The following ZNF475 variants were observed in gnomAD, a reference collection of about 807,000 sequenced individuals.
ZNF475 encodes zinc finger protein 475.
At chr5:122,182,511 G>C in the ZNF475 span, 7 of 1,502,230 alleles carry the variant, frequency 4.7e-6, no homozygotes, top group South Asian at 7.8e-5. Flanking sequence ...CTATGATCTT[G>C]ATGCTTTAAA....
the ZNF475 span, among the ~76,000 whole-genome samples, chr5:122,170,157 C>G: frequency 6.6e-6 from 1 of 152,026 alleles, no homozygotes; most frequent in African/African-American, 2.4e-5. Context: ...AAAAGGAAAA[C>G]CTTTTCTATT....
the ZNF475 span, among the ~76,000 whole-genome samples, chr5:122,166,312 A>G: frequency 6.6e-6 from 1 of 152,082 alleles, no homozygotes; most frequent in Non-Finnish European, 1.5e-5. Flanking sequence ...AGTGCCTCAT[A>G]TGTTGGAAGA....
the ZNF475 span, among the ~76,000 whole-genome samples, chr5:122,172,716 C>G: frequency 6.6e-6 from 1 of 152,154 alleles, no homozygotes; most frequent in Non-Finnish European, 1.5e-5. Flanking sequence ...CACTTCGTAT[C>G]TTCTGTATAA....
the ZNF475 span, among the ~76,000 whole-genome samples, chr5:122,170,736 G>T: frequency 3.9e-5 from 6 of 152,326 alleles, no homozygotes; most frequent in South Asian, 1.2e-3. Flanking sequence ...TCAGAGGTCA[G>T]CGAGTAGAGC....
chr5:122,165,575 G>A, the ZNF475 span, among the ~76,000 whole-genome samples: 2 of 152,108 alleles, frequency 1.3e-5, no homozygotes, highest in Non-Finnish European at 2.9e-5. Context: ...TTTGCTCCAA[G>A]TCACGGTTCA....
the ZNF475 span, among the ~76,000 whole-genome samples, chr5:122,162,615 C>T: frequency 4.6e-5 from 7 of 152,094 alleles, no homozygotes; most frequent in Non-Finnish European, 7.4e-5. Flanking sequence ...AGGCAAAATT[C>T]TGATTTGGAG....
At chr5:122,173,690 A>T in the ZNF475 span, among the ~76,000 whole-genome samples, 1 of 152,212 alleles carries the variant, frequency 6.6e-6, no homozygotes, top group South Asian at 2.1e-4. Flanking sequence ...AAGTTAGTGG[A>T]TTCAAGTTAA....
At chr5:122,179,576 A>C in the ZNF475 span, 1 of 1,521,844 alleles carries the variant, frequency 6.6e-7, no homozygotes, top group South Asian at 1.2e-5. Context: ...GTCCACCAGC[A>C]GTTGTTTGCT....
chr5:122,168,115 G>C, the ZNF475 span, among the ~76,000 whole-genome samples: 1 of 152,140 alleles, frequency 6.6e-6, no homozygotes, highest in Non-Finnish European at 1.5e-5. Context: ...TGCCATCTCG[G>C]CTCACTACAA....
the ZNF475 span, among the ~76,000 whole-genome samples, chr5:122,178,840 G>T: frequency 2.6e-5 from 4 of 152,054 alleles, no homozygotes; most frequent in Admixed American, 6.5e-5. Flanking sequence ...TATTGCCTAG[G>T]TTTTCTTCTA....
chr5:122,160,576 C>G, the ZNF475 span, among the ~76,000 whole-genome samples: 14 of 152,002 alleles, frequency 9.2e-5, no homozygotes, highest in African/African-American at 3.4e-4. Flanking sequence ...GCCCAAAGCC[C>G]AAAGCAAAAA....
chr5:122,173,152 T>C, the ZNF475 span, among the ~76,000 whole-genome samples: 2 of 152,210 alleles, frequency 1.3e-5, no homozygotes, highest in Non-Finnish European at 2.9e-5. Flanking sequence ...ATTCATGCAA[T>C]AAATTTAGTG....
At chr5:122,166,865 G>T in the ZNF475 span, among the ~76,000 whole-genome samples, 1 of 152,172 alleles carries the variant, frequency 6.6e-6, no homozygotes, top group African/African-American at 2.4e-5. Flanking sequence ...GTAATGGGAT[G>T]GCTGGGTCAA....
the ZNF475 span, chr5:122,182,609 C>T: frequency 6.5e-7 from 1 of 1,535,422 alleles, no homozygotes; most frequent in South Asian, 1.2e-5. Context: ...TGATTGTTCA[C>T]CAACGATCTT....
the ZNF475 span, among the ~76,000 whole-genome samples, chr5:122,169,009 C>A: frequency 3.3e-5 from 5 of 152,164 alleles, no homozygotes; most frequent in Non-Finnish European, 5.9e-5. Context: ...GAACATGTTG[C>A]GACCTTCAAC....
chr5:122,182,657 T>G, the ZNF475 span: 1 of 1,525,234 alleles, frequency 6.6e-7, no homozygotes, highest in Non-Finnish European at 8.8e-7. Flanking sequence ...CTTTTCTCTC[T>G]ACTGAAGTGT....
chr5:122,162,623 G>C, the ZNF475 span, among the ~76,000 whole-genome samples: 62 of 152,166 alleles, frequency 4.1e-4, no homozygotes, highest in East Asian at 0.011. Context: ...TTCTGATTTG[G>C]AGAAATGAGT....
the ZNF475 span, among the ~76,000 whole-genome samples, chr5:122,161,525 T>C: frequency 6.6e-6 from 1 of 152,198 alleles, no homozygotes; most frequent in Non-Finnish European, 1.5e-5. Context: ...TGGTCTTCTT[T>C]TTATAGGAAA....
the ZNF475 span, among the ~76,000 whole-genome samples, chr5:122,164,650 ATTC>A: frequency 1.9e-4 from 29 of 152,190 alleles, no homozygotes; most frequent in African/African-American, 7.0e-4. Context: ...CGATGAAGCT[ATTC>A]TTCTGGATCA....
Sources: gnomAD v4.1 joint callset for allele counts (sites outside exome capture counted in the v4.1 genomes callset) on GRCh38, gnomAD v4.1.1 for gene constraint, MANE v1.5 for transcripts, NCBI Gene and HGNC (gene_info 2026-07-23, HGNC 2026-07-21) for gene names.